SNX29: variants seen among roughly 807,000 people sequenced by gnomAD.
The protein encoded by SNX29 is sorting nexin 29.
In SNX29, 78 loss-of-function variants were observed where a neutral mutation model predicts 102.1. The ratio of observed to expected loss-of-function variants is 0.76; its 90% CI spans 0.64 to 0.92. The LOEUF is 0.92. SNX29 is among the 40% of genes least tolerant of loss of function. The pLI is 0.00. For missense variants in SNX29, 1,280 were observed against 1,061.7 expected, an observed-to-expected ratio of 1.21 and a Z score of -2.86; for synonymous variants, 580 against 414.5, an observed-to-expected ratio of 1.40 and a Z score of -4.85.
At chr16:12,027,703 A>T in intron 4 of SNX29, 1 of 298,510 alleles carries the variant, frequency 3.3e-6, no homozygotes, top group Non-Finnish European at 6.3e-6. Flanking sequence ...GACCTGTAGC[A>T]CACTGGTTTA....
At chr16:12,310,692 T>A (rs528042303) in intron 15 of SNX29, among the ~76,000 whole-genome samples, 1 of 152,318 alleles carries the variant, frequency 6.6e-6, no homozygotes, top group East Asian at 1.9e-4. Flanking sequence ...GGACATGTTC[T>A]GTGTCTTGTG....
intron 18 of SNX29, among the ~76,000 whole-genome samples, chr16:12,447,946 C>T (rs569004507): frequency 8.7e-4 from 132 of 152,278 alleles, no homozygotes; most frequent in Non-Finnish European, 1.5e-3. Context: ...TCCCCCAAAT[C>T]AGCTGATGGT....
At chr16:12,142,881 T>G (rs1430810244) in intron 13 of SNX29, among the ~76,000 whole-genome samples, 3 of 151,826 alleles carry the variant, frequency 2.0e-5, no homozygotes, top group African/African-American at 4.8e-5. Context: ...ATTTGTTGAT[T>G]CACTCTTCAA....
intron 20 of SNX29, among the ~76,000 whole-genome samples, chr16:12,568,169 A>G (rs1278453776): frequency 6.6e-6 from 1 of 152,180 alleles, no homozygotes; most frequent in Non-Finnish European, 1.5e-5. Flanking sequence ...CCTTTGCTGG[A>G]AAATCAAGGA....
intron 18 of SNX29, among the ~76,000 whole-genome samples, chr16:12,426,856 G>T (rs1217063812): frequency 6.6e-6 from 1 of 152,044 alleles, no homozygotes; most frequent in East Asian, 1.9e-4. Flanking sequence ...AGTAGAGATG[G>T]GGTTTTGCCA....
rs551187914 is a variant in SNX29, at chr16:12,051,782, G to C, written c.749-65G>C. ...TTTTCCATAACCTGGAGGTGAGTTGGTTCCATCATCCTTTTGTCTTGCCTC... is the reference window on the plus strand; with the variant it reads ...TTTTCCATAACCTGGAGGTGAGTTGCTTCCATCATCCTTTTGTCTTGCCTC... On this transcript the variant is annotated intron_variant, in intron 7 of 20. Coordinates refer to ENST00000566228, the MANE Select transcript of SNX29 (RefSeq NM_032167.5). 1.8e-5 allele frequency: 28 copies of C among 1,574,904 alleles called. No homozygotes were observed. In the East Asian group the frequency reaches 6.0e-4, roughly 34 times the overall value.
intron 15 of SNX29, among the ~76,000 whole-genome samples, chr16:12,289,472 C>T (rs11075059): frequency 0.53 from 79,693 of 151,604 alleles, 21,340 homozygotes; most frequent in Non-Finnish European, 0.59. Flanking sequence ...TTGGATACCT[C>T]GTTTCCCATT....
At chr16:12,560,379 T>C (rs2078654808) in intron 20 of SNX29, among the ~76,000 whole-genome samples, 1 of 152,140 alleles carries the variant, frequency 6.6e-6, no homozygotes, top group South Asian at 2.1e-4. Context: ...GTGCGCTCAG[T>C]ATTTTGAGTT....
At chr16:12,005,598 C>T (rs907291892) in intron 3 of SNX29, among the ~76,000 whole-genome samples, 3 of 152,098 alleles carry the variant, frequency 2.0e-5, no homozygotes, top group Non-Finnish European at 4.4e-5. Flanking sequence ...TCCATGACTT[C>T]TTGACCACTT....
chr16:12,330,188 G>A (rs2081253602), intron 15 of SNX29, among the ~76,000 whole-genome samples: 1 of 152,198 alleles, frequency 6.6e-6, no homozygotes, highest in Admixed American at 6.5e-5. Flanking sequence ...CTGGGACAGA[G>A]ATGTGCTCAG....
intron 19 of SNX29, among the ~76,000 whole-genome samples, chr16:12,512,999 G>A (rs1270275341): frequency 2.6e-5 from 4 of 152,086 alleles, no homozygotes; most frequent in Admixed American, 6.5e-5. Flanking sequence ...TCCCCCCAGA[G>A]GGCAGTGGCC....
chr16:12,061,594 T>C lies in SNX29; in HGVS notation c.1191T>C (p.Asn397=). The C allele has an allele frequency of 6.2e-7, 1 of 1,612,172 alleles. No individual in the cohort carries two copies. Among genetic ancestry groups the C allele is most frequent in the South Asian group, 1.1e-5 (1 of 90,416 alleles). The change falls in exon 9 of 21, where the codon AAT becomes AAC. Residue 397 remains asparagine, a synonymous_variant. Transcript: ENST00000566228. ...HSWAPLKVLH[N]DSDILFPVSG... is the part of the protein sequence containing the mutation. ...GGGCTCCGCTGAAGGTGCTGCACAA[T>C]GACTCCGACATCCTCTTCCCTGTCA...
chr16:12,126,238 C>CAGT (rs144182346), intron 11 of SNX29, among the ~76,000 whole-genome samples: 366 of 152,338 alleles, frequency 2.4e-3, no homozygotes, highest in African/African-American at 8.4e-3. Flanking sequence ...TGATACTGAT[C>CAGT]AGTAGTACTT....
At chr16:12,449,550 C>T (rs549623907) in intron 18 of SNX29, among the ~76,000 whole-genome samples, 1 of 152,266 alleles carries the variant, frequency 6.6e-6, no homozygotes, top group Admixed American at 6.5e-5. Flanking sequence ...AGTCAGTAGT[C>T]TTGGGGTAAC....
chr16:12,069,267 A>C, intron 10 of SNX29, 135 bp downstream of exon 10: 1 of 733,422 alleles, frequency 1.4e-6, no homozygotes, highest in Non-Finnish European at 2.1e-6. Flanking sequence ...TTATGTTCAG[A>C]TTTAGTCTTT....
chr16:12,347,500 C>T (rs2081848973), intron 15 of SNX29, among the ~76,000 whole-genome samples: 1 of 152,178 alleles, frequency 6.6e-6, no homozygotes, highest in African/African-American at 2.4e-5. Context: ...CTGACCACCT[C>T]CCTCCCTTCC....
rs115580258 is a variant in SNX29, at chr16:12,309,126, C to A, written c.1782+31090C>A. 5.9e-5 allele frequency among the ~76,000 whole-genome samples: 9 copies of A among 152,234 alleles called. No homozygotes were observed. In the South Asian group the frequency reaches 1.9e-3, roughly 32 times the overall value. ...TCGGAGTTATTTGGGGGTTCTGCAA[C>A]CCTGCTGTGATTTCTATATACAGCA... On this transcript the variant is annotated intron_variant, in intron 15 of 20. Transcript: ENST00000566228.
At chr16:12,111,974 G>A (rs779666810) in intron 11 of SNX29, among the ~76,000 whole-genome samples, 1 of 152,148 alleles carries the variant, frequency 6.6e-6, no homozygotes, top group Non-Finnish European at 1.5e-5. Context: ...CAGGGCGTCC[G>A]CAGACACACC....
At chr16:12,311,660 T>C (rs2080555079) in intron 15 of SNX29, among the ~76,000 whole-genome samples, 1 of 152,254 alleles carries the variant, frequency 6.6e-6, no homozygotes, top group South Asian at 2.1e-4. Context: ...TTCACCCGGC[T>C]TATTTCCTTC....
Sources: gnomAD v4.1 joint callset for allele counts (sites outside exome capture counted in the v4.1 genomes callset) on GRCh38, gnomAD v4.1.1 for gene constraint, MANE v1.5 for transcripts, NCBI Gene and HGNC (gene_info 2026-07-23, HGNC 2026-07-21) for gene names.